Variants in PRKAG2 observed in about 807,000 individuals in gnomAD.
PRKAG2 encodes 5'-AMP-activated protein kinase subunit gamma-2.
A neutral mutation model predicts 69.6 loss-of-function variants in PRKAG2; 26 were observed. The ratio of observed to expected loss-of-function variants is 0.37; its 90% confidence interval spans 0.27 to 0.52. The LOEUF is 0.52. PRKAG2 is among the 20% of genes least tolerant of loss of function. The probability of loss-of-function intolerance (pLI) is 0.90; values close to 1 mark genes in which losing one functional copy is unlikely to be tolerated. For missense variants in PRKAG2, 557 were observed against 740.0 expected, an observed-to-expected ratio of 0.75 and a Z score of 2.87; for synonymous variants, 293 against 285.0, an observed-to-expected ratio of 1.03 and a Z score of -0.28.
intron 1 of PRKAG2, among the ~76,000 whole-genome samples, chr7:151,844,072 A>G (rs1187834074): frequency 6.6e-6 from 1 of 152,246 alleles, no homozygotes; most frequent in African/African-American, 2.4e-5. Context: ...GAGATGGAGA[A>G]GAAGGCATGA....
At chr7:151,557,518 G>GT in intron 15 of PRKAG2, 1 of 984,446 alleles carries the variant, frequency 1.0e-6, no homozygotes, top group Non-Finnish European at 1.2e-6. Flanking sequence ...AAATATGTAG[G>GT]TATGTTTTAG....
At chr7:151,622,455 G>A (rs1821760056) in intron 5 of PRKAG2, among the ~76,000 whole-genome samples, 1 of 152,164 alleles carries the variant, frequency 6.6e-6, no homozygotes, top group Non-Finnish European at 1.5e-5. Flanking sequence ...AAAACCATTG[G>A]CAGAGCCATT....
At chr7:151,769,916 G>C (rs1001951236) in intron 3 of PRKAG2, among the ~76,000 whole-genome samples, 10 of 152,132 alleles carry the variant, frequency 6.6e-5, no homozygotes, top group African/African-American at 2.2e-4. Context: ...AGTACCTTTT[G>C]AGAAATAAAG....
chr7:151,660,852 T>A (rs138471852), intron 4 of PRKAG2, among the ~76,000 whole-genome samples: 2 of 152,254 alleles, frequency 1.3e-5, no homozygotes, highest in Non-Finnish European at 2.9e-5. Flanking sequence ...TTCTTTTTTA[T>A]GTTTTTCCTT....
intron 3 of PRKAG2, among the ~76,000 whole-genome samples, chr7:151,730,013 G>A (rs1383073470): frequency 1.3e-5 from 2 of 152,346 alleles, no homozygotes; most frequent in Admixed American, 1.3e-4. Context: ...TTTGCCAGGG[G>A]CTGGGGTCAG....
intron 2 of PRKAG2, among the ~76,000 whole-genome samples, chr7:151,784,449 A>G (rs1389953885): frequency 6.6e-6 from 1 of 152,242 alleles, no homozygotes; most frequent in African/African-American, 2.4e-5. Context: ...GCAGATGGAT[A>G]AATGGCCCGG....
chr7:151,854,287 A>C (rs540125718), intron 1 of PRKAG2, among the ~76,000 whole-genome samples: 63 of 152,320 alleles, frequency 4.1e-4, no homozygotes, highest in African/African-American at 1.5e-3. Context: ...CCTTCCCCCC[A>C]CACACATGCA....
intron 3 of PRKAG2, among the ~76,000 whole-genome samples, chr7:151,712,122 G>A (rs1297977219): frequency 1.3e-5 from 2 of 152,218 alleles, no homozygotes; most frequent in African/African-American, 2.4e-5. Context: ...TCCGCGGCGC[G>A]TACGTGCATC....
chr7:151,637,550 T>C (rs1016624225), intron 4 of PRKAG2, among the ~76,000 whole-genome samples: 4 of 152,186 alleles, frequency 2.6e-5, no homozygotes, highest in South Asian at 2.1e-4. Flanking sequence ...CACTTGATAA[T>C]GAATGGGTGT....
chr7:151,646,281 T>C (rs1342651933), intron 4 of PRKAG2, among the ~76,000 whole-genome samples: 1 of 152,198 alleles, frequency 6.6e-6, no homozygotes, highest in African/African-American at 2.4e-5. Context: ...TGGGAAGAAA[T>C]GACAACAGTA....
rs1344246646 is a variant in PRKAG2, at chr7:151,567,282, T to C, written c.1234-1397A>G. On this transcript the variant is annotated intron_variant, in intron 11 of 15. Coordinates refer to ENST00000287878, the MANE Select transcript of PRKAG2 (RefSeq NM_016203.4). The surrounding 1 kb of genome is among the most constrained non-coding windows in gnomAD (Gnocchi z 4.2). ...TTGAAAGGGATCCTGGCTCTACCGC[T>C]TCCCAGCCACGCAACCTTGGCAAAG... Among the ~76,000 whole-genome samples, 1 of 152,176 alleles carries C rather than the reference T, an allele frequency of 6.6e-6. No homozygotes were observed. The highest frequency in any genetic ancestry group is 6.5e-5 in the Admixed American group (1 of 15,274).
intron 3 of PRKAG2, among the ~76,000 whole-genome samples, chr7:151,721,388 A>AGGGCCG (rs1187866220): frequency 7.5e-6 from 1 of 133,594 alleles, no homozygotes; most frequent in African/African-American, 2.9e-5. Context: ...GGCCAGGGCC[A>AGGGCCG]GGGCCGGGGC....
chr7:151,853,328 G>T (rs2079623757), intron 1 of PRKAG2, among the ~76,000 whole-genome samples: 1 of 152,164 alleles, frequency 6.6e-6, no homozygotes, highest in Non-Finnish European at 1.5e-5. Flanking sequence ...TGACAGGTTT[G>T]TCAGAAAAAT....
At chr7:151,658,029 A>AGG (rs1313529083) in intron 4 of PRKAG2, among the ~76,000 whole-genome samples, 2 of 151,784 alleles carry the variant, frequency 1.3e-5, no homozygotes, top group African/African-American at 4.8e-5. Context: ...ATGGTGGCGC[A>AGG]CGCATGTAGT....
intron 3 of PRKAG2, among the ~76,000 whole-genome samples, chr7:151,679,226 G>T (rs1443802902): frequency 6.6e-6 from 1 of 152,154 alleles, no homozygotes; most frequent in Non-Finnish European, 1.5e-5. Context: ...GGCTCGGGGA[G>T]GCCTGCCCGG....
At chr7:151,588,929 GT>G (rs1183045100) in intron 6 of PRKAG2, among the ~76,000 whole-genome samples, 3 of 152,220 alleles carry the variant, frequency 2.0e-5, no homozygotes, top group African/African-American at 7.2e-5. Flanking sequence ...GGAAGGGGAT[GT>G]CCCCCCTCTC....
chr7:151,558,905 G>C (rs1308240020), intron 15 of PRKAG2: 1 of 985,346 alleles, frequency 1.0e-6, no homozygotes, highest in Admixed American at 6.1e-5. Context: ...TCAAGAAACA[G>C]AGAGGATGAA....
intron 4 of PRKAG2, among the ~76,000 whole-genome samples, chr7:151,666,507 G>A (rs1831066943): frequency 6.6e-6 from 1 of 152,216 alleles, no homozygotes; most frequent in Admixed American, 6.5e-5. Flanking sequence ...GATAGTCCCA[G>A]CAAACTAATA....
At chr7:151,645,716 A>G (rs1827452062) in intron 4 of PRKAG2, among the ~76,000 whole-genome samples, 1 of 152,164 alleles carries the variant, frequency 6.6e-6, no homozygotes, top group South Asian at 2.1e-4. Flanking sequence ...TTTAATTTTG[A>G]TAAGATCCTA....
Sources: allele counts gnomAD v4.1 joint callset (sites outside exome capture counted in the v4.1 genomes callset), GRCh38; gene constraint gnomAD v4.1.1; non-coding constraint Gnocchi (gnomAD v3.1); transcripts MANE v1.5; gene names NCBI Gene and HGNC (gene_info 2026-07-23, HGNC 2026-07-21).